The following HIVEP3 variants were observed in gnomAD, a reference collection of about 807,000 sequenced individuals.
The protein encoded by HIVEP3 is HIVEP zinc finger 3, also known as transcription factor HIVEP3.
In HIVEP3, 49 loss-of-function variants were observed where a neutral mutation model predicts 152.8. The ratio of observed to expected loss-of-function variants is 0.32; its 90% CI spans 0.26 to 0.41. HIVEP3 has a LOEUF of 0.41. Ranked by LOEUF, HIVEP3 falls within the 10% of genes least tolerant of loss-of-function variation. HIVEP3 has a pLI of 1.00. For missense variants in HIVEP3, 2,790 were observed against 3,103.3 expected (o/e 0.90, Z 2.40); for synonymous variants, 1,269 against 1,289.0 (o/e 0.98, Z 0.33).
chr1:41,887,483 C>T (rs1644365372), intron 1 of HIVEP3, among the ~76,000 whole-genome samples: 1 of 152,204 alleles, frequency 6.6e-6, no homozygotes, highest in Non-Finnish European at 1.5e-5. Context: ...AAGTGGCAGA[C>T]CCAGGACTAG....
At chr1:41,686,663 G>A (rs527428686) in intron 2 of HIVEP3, among the ~76,000 whole-genome samples, 3 of 152,222 alleles carry the variant, frequency 2.0e-5, no homozygotes, top group African/African-American at 7.2e-5. Flanking sequence ...AAGGAGTCCT[G>A]GTGAAGACAG....
intron 1 of HIVEP3, among the ~76,000 whole-genome samples, chr1:41,774,684 A>C (rs1270644880): frequency 6.6e-6 from 1 of 152,212 alleles, no homozygotes; most frequent in Non-Finnish European, 1.5e-5. Context: ...TAAATAATAC[A>C]TTTTAGAGTA....
intron 2 of HIVEP3, among the ~76,000 whole-genome samples, chr1:41,671,474 A>G (rs1558166423): frequency 6.6e-6 from 1 of 152,172 alleles, no homozygotes; most frequent in Admixed American, 6.5e-5. Context: ...GAGCTGACCA[A>G]TAGGCCCTGC....
At chr1:41,516,156 G>A (rs1258027120) in intron 7 of HIVEP3, among the ~76,000 whole-genome samples, 1 of 152,288 alleles carries the variant, frequency 6.6e-6, no homozygotes, top group Non-Finnish European at 1.5e-5. Context: ...GTTCCTGCAG[G>A]GCGCTGAGGG....
chr1:41,785,155 T>C (rs1281546968), intron 1 of HIVEP3, among the ~76,000 whole-genome samples: 1 of 152,228 alleles, frequency 6.6e-6, no homozygotes, highest in Non-Finnish European at 1.5e-5. Flanking sequence ...CTTCCTTCTT[T>C]AGTTCCCTCT....
intron 1 of HIVEP3, among the ~76,000 whole-genome samples, chr1:41,751,037 T>A (rs1434573187): frequency 6.6e-6 from 1 of 152,130 alleles, no homozygotes; most frequent in East Asian, 1.9e-4. Context: ...ACCCTTGGAC[T>A]AGGTTCGTAA....
intron 1 of HIVEP3, among the ~76,000 whole-genome samples, chr1:41,825,199 G>T (rs1476880866): frequency 2.6e-5 from 4 of 152,132 alleles, no homozygotes; most frequent in Non-Finnish European, 5.9e-5. Flanking sequence ...TTGCGGGTAG[G>T]GGGATGGAAG....
intron 3 of HIVEP3, among the ~76,000 whole-genome samples, chr1:41,594,310 C>T (rs1644632568): frequency 6.6e-6 from 1 of 152,164 alleles, no homozygotes; most frequent in Non-Finnish European, 1.5e-5. Flanking sequence ...CCAACCTCTG[C>T]CTCCTGGGTT....
intron 3 of HIVEP3, among the ~76,000 whole-genome samples, chr1:41,624,155 C>T (rs1023121687): frequency 2.0e-5 from 3 of 152,136 alleles, no homozygotes; most frequent in Non-Finnish European, 4.4e-5. Flanking sequence ...AACTTCTCCC[C>T]TCCCCATCTC....
intron 1 of HIVEP3, among the ~76,000 whole-genome samples, chr1:41,769,606 G>A (rs568377125): frequency 1.3e-5 from 2 of 152,148 alleles, no homozygotes; most frequent in African/African-American, 4.8e-5. Context: ...AGTTAAGAAG[G>A]AAGAAAGGAA....
chr1:41,569,299 G>A (rs1644217659), intron 5 of HIVEP3, among the ~76,000 whole-genome samples: 1 of 152,134 alleles, frequency 6.6e-6, no homozygotes, highest in Admixed American at 6.5e-5. Flanking sequence ...AATGGGCACA[G>A]TTTGTCTACC....
chr1:41,828,294 G>A (rs1399185700), intron 1 of HIVEP3, among the ~76,000 whole-genome samples: 13 of 152,298 alleles, frequency 8.5e-5, no homozygotes, highest in East Asian at 1.9e-4. Flanking sequence ...TCTGCAATTC[G>A]CAGATGTTCA....
At chr1:41,994,826 T>C (rs1260416515) in intron 1 of HIVEP3, among the ~76,000 whole-genome samples, 2 of 152,038 alleles carry the variant, frequency 1.3e-5, no homozygotes, top group Non-Finnish European at 2.9e-5. Flanking sequence ...AGTATAAGCC[T>C]ATCTGCACAG....
At position 41,801,920 on chromosome 1, in the gene HIVEP3, G is replaced by A. The variant is rs190077086; in HGVS notation, c.-800-100925C>T. ...TGAGGGAATTGCAGGATCTGAAGCT[G>A]GTATGTCAAGGAGTGGGGGGCAGGG... On this transcript the variant is annotated intron_variant, in intron 1 of 8. Transcript: ENST00000372583. Among the ~76,000 whole-genome samples, 14 of 152,246 alleles carry A rather than the reference G, an allele frequency of 9.2e-5. No individual in the cohort carries two copies. In the East Asian group the frequency reaches 1.4e-3, roughly 15 times the overall value.
intron 3 of HIVEP3, among the ~76,000 whole-genome samples, chr1:41,589,177 GA>G (rs1644549341): frequency 1.3e-5 from 2 of 152,210 alleles, no homozygotes; most frequent in Admixed American, 6.5e-5. Context: ...AAAGTCACCA[GA>G]GAAATGGGCC....
At chr1:41,890,305 A>G (rs1644426510) in intron 1 of HIVEP3, among the ~76,000 whole-genome samples, 1 of 152,192 alleles carries the variant, frequency 6.6e-6, no homozygotes, top group South Asian at 2.1e-4. Context: ...AGGTACTTAC[A>G]GCCTAAAGGG....
Position 41,510,337 on chromosome 1 carries a change from G to A in HIVEP3, c.*114C>T. The A allele has an allele frequency of 2.2e-6, 2 of 895,142 alleles. No homozygotes were observed. The highest frequency in any genetic ancestry group is 3.2e-5 in the South Asian group (1 of 31,520). The allele number at this position is 895,142 out of a possible 1,614,324, so 55.4% of individuals were successfully genotyped here. A position where few individuals can be genotyped will look rare whatever the true frequency, so the allele number is the denominator to read the frequency against. On this transcript the variant is annotated 3_prime_UTR_variant, in exon 9 of 9. Coordinates refer to ENST00000372583, the MANE Select transcript of HIVEP3 (RefSeq NM_024503.5). ...AGGTACAACAGATGGGGCCGTGAGA[G>A]CTCCTGGACGGAGGGACAGATGGGG... is the stretch of plus-strand genomic sequence containing the variant.
chr1:41,662,826 G>A lies in HIVEP3; in HGVS notation c.-720-33879C>T, dbSNP rs555263688. The stretch of plus-strand genomic sequence containing the variant: ...TGCCACTCTGCGCCACGCCTTGGTC[G>A]CACCCGGGCCCAGCGGGAGTCCATC... On this transcript the variant is annotated intron_variant, in intron 2 of 8. Coordinates refer to ENST00000372583, the MANE Select transcript of HIVEP3 (RefSeq NM_024503.5). The surrounding 1 kb of genome is among the most constrained non-coding windows in gnomAD (Gnocchi z 7.2). Among the ~76,000 whole-genome samples the A allele has an allele frequency of 3.0e-3, 450 of 152,244 alleles. 5 individuals carry two copies. Among genetic ancestry groups the A allele is most frequent in the Non-Finnish European group, 2.8e-3 (188 of 67,982 alleles).
At chr1:41,845,600 T>C (rs1000589825) in intron 1 of HIVEP3, among the ~76,000 whole-genome samples, 2 of 152,304 alleles carry the variant, frequency 1.3e-5, no homozygotes, top group African/African-American at 4.8e-5. Flanking sequence ...TTTATATACA[T>C]ATATGGTTTT....
Sources: gnomAD v4.1 joint callset for allele counts (sites outside exome capture counted in the v4.1 genomes callset) on GRCh38, gnomAD v4.1.1 for gene constraint, Gnocchi (gnomAD v3.1) non-coding constraint, MANE v1.5 for transcripts, NCBI Gene and HGNC (gene_info 2026-07-23, HGNC 2026-07-21) for gene names.